COL23A1: variants seen among roughly 807,000 people sequenced by gnomAD.
COL23A1 encodes collagen alpha-1(XXIII) chain.
A neutral mutation model predicts 99.3 loss-of-function variants in COL23A1; 97 were observed. The ratio of observed to expected loss-of-function variants is 0.98; its 90% CI spans 0.83 to 1.16. The LOEUF (loss-of-function observed/expected upper bound fraction) is 1.16. COL23A1 is among the 50% of genes most tolerant of loss of function. The pLI, the probability that COL23A1 is intolerant of heterozygous loss-of-function variation, is 0.00. For synonymous variants in COL23A1, 320 were observed against 308.2 expected (o/e 1.04, Z -0.40); for missense variants, 762 against 757.4 (o/e 1.01, Z -0.07).
chr5:178,441,717 CGACGCGGGGTGAT>C (rs1428283114), intron 2 of COL23A1, among the ~76,000 whole-genome samples: 7 of 152,062 alleles, frequency 4.6e-5, no homozygotes, highest in Non-Finnish European at 8.8e-5. Context: ...CACGGGGTGA[CGACGCGGGGTGAT>C]GACGCGGGGT....
intron 2 of COL23A1, among the ~76,000 whole-genome samples, chr5:178,503,109 C>T (rs1032560066): frequency 6.6e-6 from 1 of 152,210 alleles, no homozygotes; most frequent in Non-Finnish European, 1.5e-5. Flanking sequence ...TGGCCAGACA[C>T]AGTGGCTCAC....
chr5:178,443,472 C>G (rs58309718), intron 2 of COL23A1, among the ~76,000 whole-genome samples: 3,963 of 152,190 alleles, frequency 0.026, 170 homozygotes, highest in African/African-American at 0.087. Flanking sequence ...TTTTTTGTTT[C>G]TTTTTTGAGA....
intron 2 of COL23A1, among the ~76,000 whole-genome samples, chr5:178,442,686 G>A (rs1346349624): frequency 2.6e-5 from 4 of 152,194 alleles, no homozygotes; most frequent in Non-Finnish European, 5.9e-5. Context: ...AAGGCATCTC[G>A]GAGAGGCCAG....
chr5:178,294,261 C>G (rs111512273), intron 3 of COL23A1, among the ~76,000 whole-genome samples: 1,949 of 144,222 alleles, frequency 0.014, 46 homozygotes, highest in African/African-American at 0.049. Context: ...AAATCACTAC[C>G]GAGCTCCCTC....
Position 178,345,602 on chromosome 5 carries a change from C to T in COL23A1, c.362-38683G>A, listed in dbSNP as rs553183793. Among the ~76,000 whole-genome samples the T allele has an allele frequency of 1.0e-3, 155 of 151,924 alleles. 1 individual carries two copies. Among genetic ancestry groups the T allele is most frequent in the Middle Eastern group, 3.4e-3 (1 of 292 alleles). On this transcript the variant is annotated intron_variant, in intron 2 of 28. Transcript: ENST00000390654. Reference sequence around the variant, plus strand: ...CGCGATCTCGACTCACTGCAAGCTCCGCCTCCTGGGTTCACGCCATTCTCC... The same window carrying T: ...CGCGATCTCGACTCACTGCAAGCTCTGCCTCCTGGGTTCACGCCATTCTCC...
intron 2 of COL23A1, among the ~76,000 whole-genome samples, chr5:178,406,922 C>T (rs1309258476): frequency 6.6e-6 from 1 of 152,186 alleles, no homozygotes; most frequent in Non-Finnish European, 1.5e-5. Context: ...TTCCCTACTC[C>T]TCTTGCTAAG....
chr5:178,286,230 G>T (rs1335542869), intron 5 of COL23A1, among the ~76,000 whole-genome samples: 1 of 152,172 alleles, frequency 6.6e-6, no homozygotes, highest in African/African-American at 2.4e-5. Flanking sequence ...AGGCCTCCCA[G>T]TGACTGGGGA....
At chr5:178,570,980 G>C (rs1183532766) in intron 1 of COL23A1, among the ~76,000 whole-genome samples, 1 of 152,112 alleles carries the variant, frequency 6.6e-6, no homozygotes, top group East Asian at 1.9e-4. Context: ...AGGATTCTAG[G>C]GCACCGCAGA....
intron 2 of COL23A1, among the ~76,000 whole-genome samples, chr5:178,537,128 C>T (rs936444175): frequency 2.0e-5 from 3 of 152,118 alleles, no homozygotes; most frequent in Admixed American, 1.3e-4. Context: ...CCATGGAAGG[C>T]GTAGAGGGAG....
intron 2 of COL23A1, among the ~76,000 whole-genome samples, chr5:178,416,348 C>G (rs887674771): frequency 6.6e-6 from 1 of 152,302 alleles, no homozygotes; most frequent in South Asian, 2.1e-4. Flanking sequence ...CCTCAGGAGG[C>G]TCCCCGGGCC....
At chr5:178,402,968 C>T (rs1764531822) in intron 2 of COL23A1, among the ~76,000 whole-genome samples, 4 of 151,122 alleles carry the variant, frequency 2.6e-5, no homozygotes, top group South Asian at 2.1e-4. Context: ...ATTAGCCAGG[C>T]GTGGCAGTGT....
intron 2 of COL23A1, among the ~76,000 whole-genome samples, chr5:178,357,905 AATGTGTGTGT>A (rs1275008607): frequency 1.9e-5 from 2 of 104,678 alleles, no homozygotes; most frequent in Non-Finnish European, 4.0e-5. Context: ...ATGTGTGTCT[AATGTGTGTGT>A]ATGTGTATGT....
At chr5:178,246,176 G>A in intron 24 of COL23A1, 78 bp downstream of exon 24, 2 of 1,464,922 alleles carry the variant, frequency 1.4e-6, no homozygotes, top group East Asian at 2.5e-5. Flanking sequence ...GTGAGGTACA[G>A]GGTTGGGGTC....
chr5:178,563,848 C>T (rs1460809852), intron 1 of COL23A1, among the ~76,000 whole-genome samples: 1 of 152,058 alleles, frequency 6.6e-6, no homozygotes, highest in Non-Finnish European at 1.5e-5. Context: ...CACGCTTTTC[C>T]CCATTGTATT....
At chr5:178,329,673 G>C (rs1250479935) in intron 2 of COL23A1, among the ~76,000 whole-genome samples, 2 of 152,236 alleles carry the variant, frequency 1.3e-5, no homozygotes, top group African/African-American at 2.4e-5. Flanking sequence ...GGGCCCAGTG[G>C]CTCACGCCTG....
intron 2 of COL23A1, among the ~76,000 whole-genome samples, chr5:178,318,694 G>A (rs1759112982): frequency 6.6e-6 from 1 of 152,220 alleles, no homozygotes; most frequent in South Asian, 2.1e-4. Context: ...CTGAGGTCAG[G>A]AGTTCGAGAC....
chr5:178,439,435 G>A lies in COL23A1; in HGVS notation c.361+121247C>T, dbSNP rs1412415856. 6.6e-6 allele frequency: 1 copy of A among 152,244 alleles called. No homozygotes were observed. The highest frequency in any genetic ancestry group is 1.5e-5 in the Non-Finnish European group (1 of 68,094). 9.4% of individuals were successfully genotyped at this position (152,244 alleles called of 1,614,324 possible). A position where few individuals can be genotyped will look rare whatever the true frequency, so the allele number is the denominator to read the frequency against. On this transcript the variant is annotated intron_variant, in intron 2 of 28. Coordinates refer to ENST00000390654, the MANE Select transcript of COL23A1 (RefSeq NM_173465.4). This position sits in a 1 kb window ranked among gnomAD's most constrained non-coding sequence, Gnocchi z 4.2. ...GCTCCTTGTCTCTGGTCCACCCAGA[G>A]CCGGAGCTTTAGCCTAGGACCCAGA...
chr5:178,458,997 C>T (rs1378181432), intron 2 of COL23A1, among the ~76,000 whole-genome samples: 1 of 152,160 alleles, frequency 6.6e-6, no homozygotes, highest in Non-Finnish European at 1.5e-5. Context: ...GGACAAGGGA[C>T]TGAGTTTTCT....
intron 2 of COL23A1, among the ~76,000 whole-genome samples, chr5:178,531,408 TC>T (rs1170735526): frequency 6.6e-6 from 1 of 152,164 alleles, no homozygotes; most frequent in Non-Finnish European, 1.5e-5. Context: ...GACACAACTC[TC>T]ATTCCAAACC....
Sources: allele counts gnomAD v4.1 joint callset (sites outside exome capture counted in the v4.1 genomes callset), GRCh38; gene constraint gnomAD v4.1.1; non-coding constraint Gnocchi (gnomAD v3.1); transcripts MANE v1.5; gene names NCBI Gene and HGNC (gene_info 2026-07-23, HGNC 2026-07-21).